SRGAP2: variants seen among roughly 807,000 people sequenced by gnomAD.
SRGAP2 encodes SLIT-ROBO Rho GTPase activating protein 2.
Under a neutral mutation model 57.2 loss-of-function variants are expected in SRGAP2, and 15 were observed. The ratio of observed to expected loss-of-function variants is 0.26; its 90% CI spans 0.18 to 0.40. The LOEUF is 0.40. Ranked by LOEUF, SRGAP2 falls within the 10% of genes least tolerant of loss-of-function variation. SRGAP2 has a pLI of 1.00. For synonymous variants in SRGAP2, 249 were observed against 248.0 expected (o/e 1.00, Z -0.04); for missense variants, 520 against 669.6 (o/e 0.78, Z 2.47).
chr1:206,423,267 A>G (rs183239173), intron 13 of SRGAP2, among the ~76,000 whole-genome samples: 2 of 152,216 alleles, frequency 1.3e-5, no homozygotes, highest in East Asian at 1.9e-4. Flanking sequence ...CCATTCCTCT[A>G]AATTGAAGCA....
At chr1:206,450,975 G>A (rs1360695642) in intron 19 of SRGAP2, among the ~76,000 whole-genome samples, 5 of 151,664 alleles carry the variant, frequency 3.3e-5, no homozygotes, top group Admixed American at 3.3e-4. Context: ...AGCCTGGCAT[G>A]GTGGTGTGCA....
chr1:206,370,624 G>A (rs1382897765), intron 4 of SRGAP2, among the ~76,000 whole-genome samples: 1 of 152,038 alleles, frequency 6.6e-6, no homozygotes, highest in African/African-American at 2.4e-5. Flanking sequence ...ACTACTAACA[G>A]GTTTGAGTTT....
intron 11 of SRGAP2, among the ~76,000 whole-genome samples, chr1:206,417,829 T>C (rs781904634): frequency 2.0e-5 from 3 of 151,994 alleles, no homozygotes; most frequent in Non-Finnish European, 2.9e-5. Context: ...AGTTTGGGCA[T>C]TGAGGGCCAA....
At chr1:206,333,693 CCATTTACTT>C (rs1674557772) in intron 3 of SRGAP2, among the ~76,000 whole-genome samples, 3 of 152,208 alleles carry the variant, frequency 2.0e-5, no homozygotes, top group Middle Eastern at 3.4e-3. Context: ...TACCTGGCTT[CCATTTACTT>C]TTTAAAACAG....
At chr1:206,450,560 A>G in intron 19 of SRGAP2, 95 bp downstream of exon 19, 1 of 686,714 alleles carries the variant, frequency 1.5e-6, no homozygotes, top group East Asian at 2.7e-5. Context: ...CTGTCTGCCC[A>G]GCGGTCCCCT....
intron 3 of SRGAP2, among the ~76,000 whole-genome samples, chr1:206,323,394 G>A (rs1227158251): frequency 6.6e-6 from 1 of 151,740 alleles, no homozygotes; most frequent in East Asian, 1.9e-4. Context: ...TGGGGACATA[G>A]GCCAGACATG....
At chr1:206,256,978 T>C (rs1422990112) in intron 2 of SRGAP2, among the ~76,000 whole-genome samples, 1 of 124,254 alleles carries the variant, frequency 8.0e-6, no homozygotes, top group Non-Finnish European at 1.7e-5. Context: ...CTATGCTGAG[T>C]ACCTGAGATA....
chr1:206,422,036 C>T (rs1553364594), intron 13 of SRGAP2, among the ~76,000 whole-genome samples: 1 of 152,152 alleles, frequency 6.6e-6, no homozygotes, highest in Non-Finnish European at 1.5e-5. Flanking sequence ...AAGCTCATAC[C>T]AGCTATGCAG....
At position 206,462,536 on chromosome 1, in the gene SRGAP2, G is replaced by A. The variant is rs1229448710; in HGVS notation, c.*1116G>A. ...AGAAATTGTTCCCAAATGAAAACTT[G>A]TTTTAAGTCCACCCCTTAGTTTCCT... On this transcript the variant is annotated 3_prime_UTR_variant, in exon 23 of 23. Transcript: ENST00000573034. 5 of 152,510 alleles carry A rather than the reference G, an allele frequency of 3.3e-5. No individual in the cohort carries two copies. Among genetic ancestry groups the A allele is most frequent in the Admixed American group, 3.3e-4 (5 of 15,278 alleles). 9.4% of individuals were successfully genotyped at this position (152,510 alleles called of 1,614,324 possible).
intron 4 of SRGAP2, among the ~76,000 whole-genome samples, chr1:206,375,472 G>A (rs1433670038): frequency 1.3e-5 from 2 of 152,164 alleles, no homozygotes; most frequent in African/African-American, 2.4e-5. Flanking sequence ...GTAAAAGATG[G>A]AAATTTGCCA....
chr1:206,447,758 C>G (rs1283711842), intron 18 of SRGAP2, among the ~76,000 whole-genome samples: 1 of 152,204 alleles, frequency 6.6e-6, no homozygotes, highest in Non-Finnish European at 1.5e-5. Flanking sequence ...TCTCAAACAT[C>G]AAACCACTGC....
chr1:206,220,753 G>C (rs1666932627), intron 2 of SRGAP2, among the ~76,000 whole-genome samples: 1 of 152,066 alleles, frequency 6.6e-6, no homozygotes, highest in Non-Finnish European at 1.5e-5. Context: ...CTTCATTTGG[G>C]TTCTCAGCAA....
In SRGAP2 at chr1:206,450,417, G is replaced by A. The variant is rs782328281; in HGVS notation, c.2131G>A (p.Glu711Lys). Residue 711 changes from glutamate (E) to lysine (K), a missense_variant, in exon 19 of 23, where the codon GAA becomes AAA. This residue lies in a region of SRGAP2 where 478 missense variants were observed against 373.6 expected (regional missense o/e 1.28). Transcript: ENST00000573034. ...CCCTCATGGAGAGACTACCTCGGTT[G>A]AAGACTCAACCCAGGATGTGACCGC... ...DSPHGETTSV[E>K]DSTQDVTAEH... The A allele has an allele frequency of 1.3e-6, 1 of 780,854 alleles. No individual in the cohort carries two copies. The highest frequency in any genetic ancestry group is 2.4e-6 in the Non-Finnish European group (1 of 417,976). The allele number at this position is 780,854 out of a possible 1,614,324, so 48.4% of individuals were successfully genotyped here. A position where few individuals can be genotyped will look rare whatever the true frequency, so the allele number is the denominator to read the frequency against.
At chr1:206,341,801 C>T (rs1274957122) in intron 3 of SRGAP2, among the ~76,000 whole-genome samples, 2 of 152,106 alleles carry the variant, frequency 1.3e-5, no homozygotes, top group African/African-American at 4.8e-5. Flanking sequence ...AGTTCAAGAT[C>T]AGCATGGTCA....
chr1:206,436,876 C>G (rs1380004017), intron 14 of SRGAP2, 89 bp from the exon 15 acceptor site: 7 of 766,426 alleles, frequency 9.1e-6, no homozygotes, highest in Middle Eastern at 2.3e-4. Context: ...TACATGCTGG[C>G]TGGGGGAGAC....
intron 4 of SRGAP2, among the ~76,000 whole-genome samples, chr1:206,380,369 TGTG>T (rs1214302261): frequency 1.3e-5 from 2 of 150,140 alleles, no homozygotes; most frequent in African/African-American, 5.0e-5. Context: ...ACCAAATGGT[TGTG>T]GTGAGTTTCA....
intron 2 of SRGAP2, among the ~76,000 whole-genome samples, chr1:206,217,224 C>T (rs375379661): frequency 3.9e-5 from 6 of 151,914 alleles, no homozygotes; most frequent in East Asian, 1.9e-4. Flanking sequence ...TTTTGGTAGG[C>T]GGTGGAGATA....
At chr1:206,423,960 T>TC (rs1660562647) in intron 13 of SRGAP2, among the ~76,000 whole-genome samples, 1 of 148,894 alleles carries the variant, frequency 6.7e-6, no homozygotes. Flanking sequence ...TTTTTTTTTT[T>TC]TTTTTTTTTT....
At chr1:206,214,812 AAAAG>A (rs1439894733) in intron 2 of SRGAP2, 4 of 149,450 alleles carry the variant, frequency 2.7e-5, no homozygotes, top group African/African-American at 7.4e-5. Flanking sequence ...AAAAAAAAAG[AAAAG>A]AAAGAAAGAA....
Sources: gnomAD v4.1 joint callset for allele counts (sites outside exome capture counted in the v4.1 genomes callset) on GRCh38, gnomAD v4.1.1 for gene constraint, gnomAD v4.1.1 regional missense constraint, MANE v1.5 for transcripts, NCBI Gene and HGNC (gene_info 2026-07-23, HGNC 2026-07-21) for gene names.